The following RPS6KA2 variants were observed in gnomAD, a reference collection of about 807,000 sequenced individuals.
RPS6KA2 encodes ribosomal protein S6 kinase alpha-2.
RPS6KA2 carries 42 observed loss-of-function variants against 91.8 expected under a neutral mutation model. That is an observed-to-expected ratio of 0.46 (90% CI 0.36 to 0.59). RPS6KA2 has a LOEUF of 0.59. Among genes scored for constraint, RPS6KA2 ranks in the 20% least tolerant of loss-of-function variants. The pLI, the probability that RPS6KA2 is intolerant of heterozygous loss-of-function variation, is 0.00. For synonymous variants in RPS6KA2, 414 were observed against 393.6 expected (o/e 1.05, Z -0.61); for missense variants, 798 against 978.5 (o/e 0.82, Z 2.46).
chr6:166,813,821 A>T (rs1779697435), intron 2 of RPS6KA2, among the ~76,000 whole-genome samples: 1 of 152,228 alleles, frequency 6.6e-6, no homozygotes, highest in African/African-American at 2.4e-5. Context: ...GAAATAGGTC[A>T]AAATTGTAAC....
At chr6:166,513,653 T>G (rs1782545582) in intron 3 of RPS6KA2, among the ~76,000 whole-genome samples, 4 of 151,986 alleles carry the variant, frequency 2.6e-5, no homozygotes, top group Admixed American at 2.6e-4. Flanking sequence ...AGGGGCAGCA[T>G]GGACTGTGGC....
rs2128553582 is a variant in RPS6KA2, at chr6:166,648,895, T to G, written c.124-110111A>C. On this transcript the variant is annotated intron_variant, in intron 2 of 21. Coordinates refer to the RPS6KA2 transcript ENST00000503859. The surrounding 1 kb of genome is among the most constrained non-coding windows in gnomAD (Gnocchi z 4.8). ...TCACCCATCACCAAGGCCCATAGAGTCTACCTTGCAGCGTCTCACCAATTC... is the reference window on the plus strand; with the variant it reads ...TCACCCATCACCAAGGCCCATAGAGGCTACCTTGCAGCGTCTCACCAATTC... 6.6e-6 allele frequency among the ~76,000 whole-genome samples: 1 copy of G among 151,926 alleles called. No homozygotes were observed. The highest frequency in any genetic ancestry group is 2.1e-4 in the South Asian group (1 of 4,814).
intron 2 of RPS6KA2, among the ~76,000 whole-genome samples, chr6:166,708,116 T>C (rs1789733666): frequency 6.6e-6 from 1 of 152,252 alleles, no homozygotes; most frequent in Admixed American, 6.5e-5. Context: ...GAATTAAATC[T>C]ATATACTTAC....
In RPS6KA2 at chr6:166,782,402, G is replaced by T. The variant is rs1778794261; in HGVS notation, c.123+75798C>A. The stretch of plus-strand genomic sequence containing the variant: ...AGCAATTGAGTCTTTAGAAGCACAA[G>T]TCCAGCCTATCTGGGGTCCCGGCAG... On this transcript the variant is annotated intron_variant, in intron 2 of 21. Transcript: ENST00000503859. Among the ~76,000 whole-genome samples the T allele has an allele frequency of 2.0e-5, 3 of 152,290 alleles. No homozygotes were observed. The South Asian group carries it at 6.2e-4, about 32-fold the overall frequency.
chr6:166,613,831 G>A (rs1010045006), intron 1 of RPS6KA2, among the ~76,000 whole-genome samples: 3 of 151,510 alleles, frequency 2.0e-5, no homozygotes, highest in South Asian at 2.1e-4. Flanking sequence ...GGACACAGTC[G>A]GGCTTTCCAC....
At chr6:166,530,039 GT>G (rs1783211681) in intron 3 of RPS6KA2, among the ~76,000 whole-genome samples, 1 of 152,144 alleles carries the variant, frequency 6.6e-6, no homozygotes. Flanking sequence ...TGTCCTTCTT[GT>G]TGGTGACAGG....
At chr6:166,497,313 C>T (rs931182053) in intron 8 of RPS6KA2, among the ~76,000 whole-genome samples, 2 of 152,330 alleles carry the variant, frequency 1.3e-5, no homozygotes, top group South Asian at 2.1e-4. Flanking sequence ...CCTGTGCTCA[C>T]GTGTTGAACT....
rs1406514470 is a variant in RPS6KA2, at chr6:166,712,571, G to T, written c.123+145629C>A. On this transcript the variant is annotated intron_variant, in intron 2 of 21. Transcript: ENST00000503859. ...GGGCCAAGCATGCAGTGTGGGGTTA[G>T]AAAGAGACGCACGGACGGGCTGTGG... is the stretch of plus-strand genomic sequence containing the variant. Among the ~76,000 whole-genome samples, 4 of 152,334 alleles carry T rather than the reference G, an allele frequency of 2.6e-5. No individual in the cohort carries two copies. In the South Asian group the frequency reaches 8.3e-4, roughly 32 times the overall value.
chr6:166,800,658 C>T (rs982113115), intron 2 of RPS6KA2, among the ~76,000 whole-genome samples: 7 of 152,168 alleles, frequency 4.6e-5, no homozygotes, highest in African/African-American at 1.7e-4. Flanking sequence ...CTTCCGGCCT[C>T]CAGAACTGTG....
chr6:166,751,020 G>A (rs1054010403), intron 2 of RPS6KA2, among the ~76,000 whole-genome samples: 11 of 152,296 alleles, frequency 7.2e-5, no homozygotes, highest in Admixed American at 3.3e-4. Context: ...TTTTGTGACC[G>A]AAGCTGGCCT....
intron 1 of RPS6KA2, among the ~76,000 whole-genome samples, chr6:166,592,278 G>A (rs550907711): frequency 2.4e-4 from 37 of 152,316 alleles, no homozygotes; most frequent in African/African-American, 7.9e-4. Context: ...GCTTCTGATG[G>A]GTGCACCTCA....
intron 2 of RPS6KA2, among the ~76,000 whole-genome samples, chr6:166,535,817 C>A (rs1436971578): frequency 6.6e-6 from 1 of 152,252 alleles, no homozygotes; most frequent in African/African-American, 2.4e-5. Context: ...CAAGCACCAC[C>A]CATGGCCCTG....
At chr6:166,855,212 A>G (rs1780854674) in intron 2 of RPS6KA2, among the ~76,000 whole-genome samples, 2 of 152,190 alleles carry the variant, frequency 1.3e-5, no homozygotes, top group South Asian at 4.1e-4. Flanking sequence ...AGGATGAAAA[A>G]TCACATGTTG....
intron 1 of RPS6KA2, among the ~76,000 whole-genome samples, chr6:166,608,552 T>C (rs977273654): frequency 6.6e-6 from 1 of 152,168 alleles, no homozygotes; most frequent in Non-Finnish European, 1.5e-5. Flanking sequence ...AGAAGTAAGT[T>C]TGGAGTCTCA....
At chr6:166,415,991 A>G (rs111262692) in intron 19 of RPS6KA2, among the ~76,000 whole-genome samples, 26 of 46,246 alleles carry the variant, frequency 5.6e-4, no homozygotes, top group East Asian at 1.5e-3. Context: ...CATCATCCTC[A>G]CCATCCTCCT....
chr6:166,456,928 T>C (rs1780123066), intron 12 of RPS6KA2, among the ~76,000 whole-genome samples: 2 of 152,240 alleles, frequency 1.3e-5, no homozygotes, highest in Admixed American at 6.5e-5. Flanking sequence ...TAGGCTATTA[T>C]TAAAATACAA....
At chr6:166,525,455 C>T (rs573599915) in intron 3 of RPS6KA2, among the ~76,000 whole-genome samples, 6 of 152,102 alleles carry the variant, frequency 3.9e-5, no homozygotes, top group Non-Finnish European at 8.8e-5. Context: ...TGACCTCCCT[C>T]GGAAGTGACC....
rs1158160008 is a variant in RPS6KA2, at chr6:166,701,012, T to C, written c.123+157188A>G. 9.2e-6 allele frequency: 10 copies of C among 1,083,658 alleles called. No individual in the cohort carries two copies. In the East Asian group the frequency reaches 9.4e-5, roughly 10 times the overall value. The allele number at this position is 1,083,658 out of a possible 1,614,324, so 67.1% of individuals were successfully genotyped here. A position where few individuals can be genotyped will look rare whatever the true frequency, so the allele number is the denominator to read the frequency against. ...AAAAACTTGTGCATGTGATTCTGGA[T>C]AGGGGGTCAGCGCCTGTCTGTTTGT... is the stretch of plus-strand genomic sequence containing the variant. On this transcript the variant is annotated intron_variant, in intron 2 of 21. Transcript: ENST00000503859.
chr6:166,680,728 G>T (rs368515464), intron 2 of RPS6KA2, among the ~76,000 whole-genome samples: 8 of 152,282 alleles, frequency 5.3e-5, no homozygotes, highest in African/African-American at 1.9e-4. Context: ...GGACATATCT[G>T]AACATCTGAA....
Sources: allele counts gnomAD v4.1 joint callset (sites outside exome capture counted in the v4.1 genomes callset), GRCh38; gene constraint gnomAD v4.1.1; non-coding constraint Gnocchi (gnomAD v3.1); transcripts MANE v1.5; gene names NCBI Gene and HGNC (gene_info 2026-07-23, HGNC 2026-07-21).